The following ITGA9 variants were observed in gnomAD, a reference collection of about 807,000 sequenced individuals.
The protein encoded by ITGA9 is integrin alpha-9.
ITGA9 carries 56 observed loss-of-function variants against 127.8 expected under a neutral mutation model. The observed-to-expected ratio is 0.44, with a 90% confidence interval of 0.35 to 0.55. ITGA9 has a LOEUF of 0.55. Among genes scored for constraint, ITGA9 ranks in the 20% least tolerant of loss-of-function variants. The pLI is 0.00. For synonymous variants in ITGA9, 508 were observed against 514.5 expected (o/e 0.99, Z 0.17); for missense variants, 1,196 against 1,347.1 (o/e 0.89, Z 1.76).
intron 1 of ITGA9, among the ~76,000 whole-genome samples, chr3:37,459,416 T>G (rs1452319340): frequency 1.3e-5 from 2 of 152,220 alleles, no homozygotes; most frequent in Non-Finnish European, 2.9e-5. Context: ...GATAGTGGTG[T>G]TCTCACTCTA....
intron 15 of ITGA9, among the ~76,000 whole-genome samples, chr3:37,557,987 G>C (rs1470441840): frequency 6.6e-6 from 1 of 152,096 alleles, no homozygotes; most frequent in Non-Finnish European, 1.5e-5. Flanking sequence ...TTATTACCTA[G>C]TTAGTCTGAG....
chr3:37,669,318 G>A (rs1326813608), intron 17 of ITGA9, among the ~76,000 whole-genome samples: 4 of 152,234 alleles, frequency 2.6e-5, no homozygotes, highest in African/African-American at 9.6e-5. Flanking sequence ...GATTTGGGGT[G>A]TGGATTAACT....
chr3:37,811,390 TAAC>T (rs1697366620), intron 27 of ITGA9, among the ~76,000 whole-genome samples: 2 of 152,144 alleles, frequency 1.3e-5, no homozygotes, highest in Admixed American at 1.3e-4. Context: ...GCAGGAGGGA[TAAC>T]AACTTTGTGT....
At chr3:37,608,069 T>C (rs1699985188) in intron 15 of ITGA9, among the ~76,000 whole-genome samples, 1 of 152,198 alleles carries the variant, frequency 6.6e-6, no homozygotes, top group African/African-American at 2.4e-5. Flanking sequence ...ACCGGGCACA[T>C]CTTTGTGCGC....
At chr3:37,638,524 G>A (rs1700302625) in intron 16 of ITGA9, among the ~76,000 whole-genome samples, 1 of 151,792 alleles carries the variant, frequency 6.6e-6, no homozygotes, top group Non-Finnish European at 1.5e-5. Context: ...TTCTGAGAGT[G>A]AGGCCCACTG....
chr3:37,464,116 AGTGTGT>A (rs10603611), intron 1 of ITGA9, among the ~76,000 whole-genome samples: 3,869 of 144,196 alleles, frequency 0.027, 103 homozygotes, highest in African/African-American at 0.069. Context: ...AGAAGGTGTG[AGTGTGT>A]GTGTGTGTGT....
chr3:37,705,690 G>C (rs1463279847), intron 18 of ITGA9, among the ~76,000 whole-genome samples: 1 of 152,114 alleles, frequency 6.6e-6, no homozygotes, highest in Non-Finnish European at 1.5e-5. Context: ...TATTAGTTTT[G>C]GCTTTGGGAA....
chr3:37,494,991 C>T (rs960108804), intron 5 of ITGA9, among the ~76,000 whole-genome samples: 3 of 152,092 alleles, frequency 2.0e-5, no homozygotes, highest in African/African-American at 4.8e-5. Flanking sequence ...GTTTGTTTTT[C>T]GAGACAGAGT....
intron 11 of ITGA9, among the ~76,000 whole-genome samples, chr3:37,520,906 C>T (rs1226907155): frequency 6.6e-6 from 1 of 152,210 alleles, no homozygotes; most frequent in East Asian, 1.9e-4. Flanking sequence ...AGTGAGGCAA[C>T]CTGTGAGAGA....
intron 18 of ITGA9, among the ~76,000 whole-genome samples, chr3:37,702,143 A>G (rs1404257529): frequency 6.6e-6 from 1 of 152,196 alleles, no homozygotes; most frequent in Non-Finnish European, 1.5e-5. Flanking sequence ...GTACAGGTCT[A>G]CCTGTGAAGC....
At chr3:37,670,978 A>G (rs1272757240) in intron 17 of ITGA9, among the ~76,000 whole-genome samples, 1 of 152,246 alleles carries the variant, frequency 6.6e-6, no homozygotes, top group African/African-American at 2.4e-5. Context: ...AAATGCACAT[A>G]CACTGCTTGC....
At chr3:37,800,277 G>A (rs148481586) in intron 26 of ITGA9, among the ~76,000 whole-genome samples, 3 of 152,332 alleles carry the variant, frequency 2.0e-5, no homozygotes, top group East Asian at 1.9e-4. Context: ...ACCCCGCTGA[G>A]CTCAGTGTCT....
intron 14 of ITGA9, among the ~76,000 whole-genome samples, chr3:37,536,482 C>A (rs1049279119): frequency 6.6e-6 from 1 of 152,262 alleles, no homozygotes; most frequent in African/African-American, 2.4e-5. Context: ...CTGCTGTCTT[C>A]AGCTACATGA....
rs140887494 is a variant in ITGA9, at chr3:37,635,186, A to G, written c.1839+5850A>G. On this transcript the variant is annotated intron_variant, in intron 16 of 27. Coordinates refer to ENST00000264741, the MANE Select transcript of ITGA9 (RefSeq NM_002207.3). ...AATATTCCTGGACTTTAACTTTGCAACTGTAGAGGAGGATGTATAATCATG... is the reference window on the plus strand; with the variant it reads ...AATATTCCTGGACTTTAACTTTGCAGCTGTAGAGGAGGATGTATAATCATG... Among the ~76,000 whole-genome samples, 1,196 of 152,308 alleles carry G rather than the reference A, an allele frequency of 7.9e-3. 10 individuals are homozygous for G. The highest frequency in any genetic ancestry group is 0.012 in the Non-Finnish European group (803 of 68,018).
chr3:37,752,378 G>C (rs1308515748), intron 23 of ITGA9, among the ~76,000 whole-genome samples: 2 of 152,246 alleles, frequency 1.3e-5, no homozygotes, highest in African/African-American at 4.8e-5. Context: ...TGGCCTGGTG[G>C]CATTCCCTCC....
chr3:37,748,957 A>G lies in ITGA9; in HGVS notation c.2434-1505A>G, dbSNP rs1239132839. 5 of 637,600 alleles carry G rather than the reference A, an allele frequency of 7.8e-6. No homozygotes were observed. In the South Asian group the frequency reaches 9.1e-5, roughly 12 times the overall value. The allele number at this position is 637,600 out of a possible 1,614,324, so 39.5% of individuals were successfully genotyped here. On this transcript the variant is annotated intron_variant, in intron 22 of 27. Transcript: ENST00000264741. Reference sequence around the variant, plus strand: ...GACTGTTTAAAAAAAAAAAGAAAAAAGAAAAATCCTTAACCCATTGACATA... The same window carrying G: ...GACTGTTTAAAAAAAAAAAGAAAAAGGAAAAATCCTTAACCCATTGACATA...
intron 15 of ITGA9, among the ~76,000 whole-genome samples, chr3:37,585,059 C>T (rs4678569): frequency 0.64 from 97,105 of 151,830 alleles, 31,385 homozygotes; most frequent in East Asian, 0.74. Context: ...ATAGCTTCTG[C>T]CAGGTGGTTA....
At chr3:37,546,135 C>A (rs1256880079) in intron 15 of ITGA9, among the ~76,000 whole-genome samples, 1 of 151,980 alleles carries the variant, frequency 6.6e-6, no homozygotes, top group Admixed American at 6.6e-5. Flanking sequence ...AGCAGAAAAC[C>A]ATCTAACATG....
At chr3:37,717,301 G>A (rs1701145299) in intron 18 of ITGA9, among the ~76,000 whole-genome samples, 2 of 152,226 alleles carry the variant, frequency 1.3e-5, no homozygotes, top group African/African-American at 4.8e-5. Flanking sequence ...GCCTGATGAA[G>A]TTCTGAATAA....
Sources: allele counts gnomAD v4.1 joint callset (sites outside exome capture counted in the v4.1 genomes callset), GRCh38; gene constraint gnomAD v4.1.1; transcripts MANE v1.5; gene names NCBI Gene and HGNC (gene_info 2026-07-23, HGNC 2026-07-21).